FRMD4A: variants seen among roughly 807,000 people sequenced by gnomAD.
The protein encoded by FRMD4A is FERM domain containing 4A.
In FRMD4A, 29 loss-of-function variants were observed where a neutral mutation model predicts 129.1. The ratio of observed to expected loss-of-function variants is 0.22; its 90% CI spans 0.17 to 0.31. The LOEUF is 0.31. FRMD4A is among the 10% of genes least tolerant of loss of function. The pLI is 1.00. For missense variants in FRMD4A, 1,272 were observed against 1,375.8 expected (o/e 0.92, Z 1.19); for synonymous variants, 634 against 571.6 (o/e 1.11, Z -1.56).
chr10:14,157,288 C>G (rs1188950844), intron 2 of FRMD4A, among the ~76,000 whole-genome samples: 1 of 152,180 alleles, frequency 6.6e-6, no homozygotes, highest in Non-Finnish European at 1.5e-5. Flanking sequence ...CTAGTGGACC[C>G]CATGACCTAC....
intron 2 of FRMD4A, among the ~76,000 whole-genome samples, chr10:14,090,718 G>A (rs923441456): frequency 6.6e-6 from 1 of 152,180 alleles, no homozygotes; most frequent in Admixed American, 6.5e-5. Flanking sequence ...ATACTTCCTA[G>A]CATGGGTTCA....
intron 2 of FRMD4A, among the ~76,000 whole-genome samples, chr10:13,906,643 T>G (rs921564362): frequency 6.6e-6 from 1 of 152,198 alleles, no homozygotes; most frequent in Admixed American, 6.5e-5. Flanking sequence ...ATCCTTGGTT[T>G]GAGCCTCATA....
chr10:14,009,016 T>C (rs1272874935), intron 2 of FRMD4A, among the ~76,000 whole-genome samples: 1 of 152,252 alleles, frequency 6.6e-6, no homozygotes, highest in Non-Finnish European at 1.5e-5. Flanking sequence ...TTATAGAACA[T>C]TTATTTTTAC....
chr10:14,071,149 C>A (rs915267735), intron 2 of FRMD4A, among the ~76,000 whole-genome samples: 6 of 152,192 alleles, frequency 3.9e-5, no homozygotes, highest in African/African-American at 1.4e-4. Flanking sequence ...TGTGGCTGTT[C>A]CATGCATGAA....
chr10:14,127,274 G>T (rs1331957516), intron 2 of FRMD4A, among the ~76,000 whole-genome samples: 1 of 152,192 alleles, frequency 6.6e-6, no homozygotes, highest in Non-Finnish European at 1.5e-5. Flanking sequence ...CAGGTCCTTG[G>T]AGCTCTTGCT....
rs528166440 is a variant in FRMD4A at position 14,098,334 on chromosome 10, G to A, written c.45+231724C>T. Among the ~76,000 whole-genome samples, 36 of 150,734 alleles carry A rather than the reference G, an allele frequency of 2.4e-4. 1 individual carries two copies. The highest frequency in any genetic ancestry group is 9.2e-4 in the Admixed American group (14 of 15,144). On this transcript the variant is annotated intron_variant, in intron 2 of 24. Coordinates refer to ENST00000357447, the MANE Select transcript of FRMD4A (RefSeq NM_018027.5). ...TATCATTCTCTCCAATATTCTCAAC[G>A]CAACATTTCTCAACATTTCCTTGAC...
chr10:14,197,752 A>T (rs557019438), intron 2 of FRMD4A, among the ~76,000 whole-genome samples: 6 of 152,358 alleles, frequency 3.9e-5, no homozygotes, highest in African/African-American at 1.4e-4. Flanking sequence ...CATACATGTA[A>T]ACTTTGGCAC....
At chr10:13,997,480 A>G (rs2095626750) in intron 2 of FRMD4A, among the ~76,000 whole-genome samples, 1 of 152,044 alleles carries the variant, frequency 6.6e-6, no homozygotes, top group African/African-American at 2.4e-5. Context: ...TTTCTGGAAC[A>G]CTATATATTA....
At position 13,964,190 on chromosome 10, in the gene FRMD4A, G is replaced by A. The variant is rs138207776; in HGVS notation, c.46-105278C>T. Among the ~76,000 whole-genome samples the A allele has an allele frequency of 1.6e-3, 244 of 150,064 alleles. 2 individuals carry two copies. The highest frequency in any genetic ancestry group is 5.2e-3 in the African/African-American group (214 of 40,914). ...CTCTGATGACTCTGATGACGGACGC[G>A]GTTTCTACAAATAGACCAAAGAAAA... On this transcript the variant is annotated intron_variant, in intron 2 of 24. Transcript: ENST00000357447.
intron 6 of FRMD4A, among the ~76,000 whole-genome samples, chr10:13,779,571 A>C (rs1373542080): frequency 6.6e-6 from 1 of 152,200 alleles, no homozygotes; most frequent in African/African-American, 2.4e-5. Flanking sequence ...AAGAGGTAGA[A>C]CTTAAGCTGT....
At chr10:13,778,623 T>G (rs11258597) in intron 6 of FRMD4A, among the ~76,000 whole-genome samples, 23,477 of 138,230 alleles carry the variant, frequency 0.17, 2,203 homozygotes, top group African/African-American at 0.29. Context: ...GTGTGTGTGT[T>G]TGTGTGTGTG....
At chr10:14,226,362 C>T (rs1330914215) in intron 2 of FRMD4A, among the ~76,000 whole-genome samples, 1 of 152,168 alleles carries the variant, frequency 6.6e-6, no homozygotes, top group East Asian at 1.9e-4. Context: ...CGCAGACACC[C>T]AAAGTTGACA....
chr10:14,082,568 A>T (rs900847599), intron 2 of FRMD4A, among the ~76,000 whole-genome samples: 1 of 152,078 alleles, frequency 6.6e-6, no homozygotes, highest in Non-Finnish European at 1.5e-5. Context: ...TCTGCATTTC[A>T]TTGCAATCCA....
intron 2 of FRMD4A, among the ~76,000 whole-genome samples, chr10:14,237,516 A>G (rs1843870068): frequency 6.6e-6 from 1 of 152,078 alleles, no homozygotes; most frequent in South Asian, 2.1e-4. Flanking sequence ...TTTTTAGTAG[A>G]AATGGGGTTT....
At chr10:13,771,099 G>C (rs182309520) in intron 6 of FRMD4A, among the ~76,000 whole-genome samples, 5 of 152,022 alleles carry the variant, frequency 3.3e-5, no homozygotes, top group Non-Finnish European at 7.4e-5. Context: ...TTTTTTAAGA[G>C]ATGAGTTCTC....
At chr10:14,076,377 A>G (rs956719556) in intron 2 of FRMD4A, among the ~76,000 whole-genome samples, 1 of 152,160 alleles carries the variant, frequency 6.6e-6, no homozygotes, top group South Asian at 2.1e-4. Context: ...GTAGTGGCTC[A>G]TGCATGTAAT....
intron 22 of FRMD4A, chr10:13,654,975 AAG>A (rs776012614): frequency 3.6e-5 from 6 of 164,598 alleles, no homozygotes; most frequent in Non-Finnish European, 7.9e-5. Flanking sequence ...CCCCATTGTG[AAG>A]AGAGGGCATC....
intron 2 of FRMD4A, among the ~76,000 whole-genome samples, chr10:13,945,502 G>A (rs2095324971): frequency 6.6e-6 from 1 of 151,292 alleles, no homozygotes; most frequent in Admixed American, 6.6e-5. Context: ...TTTCCTTGCA[G>A]TTTTTTTTTC....
intron 2 of FRMD4A, among the ~76,000 whole-genome samples, chr10:14,174,413 T>A (rs6602710): frequency 0.82 from 124,492 of 151,766 alleles, 53,282 homozygotes; most frequent in Non-Finnish European, 0.95. Context: ...CAGTGATCTG[T>A]AACAACCCAC....
Sources: allele counts gnomAD v4.1 joint callset (sites outside exome capture counted in the v4.1 genomes callset), GRCh38; gene constraint gnomAD v4.1.1; transcripts MANE v1.5; gene names NCBI Gene and HGNC (gene_info 2026-07-23, HGNC 2026-07-21).